Variants in CPNE5 observed in about 807,000 individuals in gnomAD.
The protein encoded by CPNE5 is copine 5.
Under a neutral mutation model 81.1 loss-of-function variants are expected in CPNE5, and 42 were observed. The ratio of observed to expected loss-of-function variants is 0.52; its 90% CI spans 0.40 to 0.67. The LOEUF (loss-of-function observed/expected upper bound fraction) is 0.67, where lower values mean the gene tolerates loss of function less well. CPNE5 is among the 30% of genes least tolerant of loss of function. The pLI is 0.00. For missense variants in CPNE5, 612 were observed against 815.5 expected, an observed-to-expected ratio of 0.75 and a Z score of 3.04; for synonymous variants, 313 against 321.5, an observed-to-expected ratio of 0.97 and a Z score of 0.28.
At chr6:36,788,230 G>T (rs529739615) in intron 8 of CPNE5, among the ~76,000 whole-genome samples, 14 of 151,806 alleles carry the variant, frequency 9.2e-5, no homozygotes, top group African/African-American at 2.2e-4. Context: ...GATGGTCGGG[G>T]GGGGGTCTCA....
At chr6:36,782,989 G>C (rs998534340) in intron 8 of CPNE5, among the ~76,000 whole-genome samples, 2 of 151,982 alleles carry the variant, frequency 1.3e-5, no homozygotes, top group Non-Finnish European at 2.9e-5. Context: ...GAAGAATAGC[G>C]CCCCCTTGTG....
At position 36,823,112 on chromosome 6, in the gene CPNE5, A is replaced by G. The variant is rs374961804; in HGVS notation, c.96-14T>C. 4.8e-5 allele frequency: 75 copies of G among 1,555,838 alleles called. 1 individual carries two copies. The highest frequency in any genetic ancestry group is 5.1e-5 in the Non-Finnish European group (59 of 1,148,210). ...TCCAGGAGGTTCCTGAAAGAGGGGG[A>G]GAGAGGAGGGGTTAGCACGGCCAGC... is the stretch of plus-strand genomic sequence containing the variant. On this transcript the variant is annotated splice_polypyrimidine_tract_variant and intron_variant, in intron 1 of 20. Coordinates refer to ENST00000244751, the MANE Select transcript of CPNE5 (RefSeq NM_020939.2).
chr6:36,788,696 T>C (rs974694891), intron 8 of CPNE5, among the ~76,000 whole-genome samples: 4 of 119,064 alleles, frequency 3.4e-5, no homozygotes, highest in East Asian at 3.6e-4. Context: ...CTGAGCAGAA[T>C]TGAACCTTGG....
intron 11 of CPNE5, among the ~76,000 whole-genome samples, chr6:36,764,708 G>A (rs1047412262): frequency 6.6e-6 from 1 of 152,114 alleles, no homozygotes; most frequent in Admixed American, 6.5e-5. Flanking sequence ...CCTCCCAGCA[G>A]CCAGGGACAG....
intron 8 of CPNE5, among the ~76,000 whole-genome samples, chr6:36,791,569 C>T (rs923276102): frequency 6.6e-6 from 1 of 152,162 alleles, no homozygotes; most frequent in Non-Finnish European, 1.5e-5. Context: ...CCAACACATG[C>T]GTACGCACAG....
rs552375197 is a variant in CPNE5, at chr6:36,741,438, G to A, written c.*830C>T. 6 of 152,374 alleles carry A rather than the reference G, an allele frequency of 3.9e-5. No individual in the cohort carries two copies. The highest frequency in any genetic ancestry group is 9.6e-5 in the African/African-American group (4 of 41,550). The allele number at this position is 152,374 out of a possible 1,614,324, so 9.4% of individuals were successfully genotyped here. A position where few individuals can be genotyped will look rare whatever the true frequency, so the allele number is the denominator to read the frequency against. ...CAAAGAGCAGGAGCAGTGTGGGAAC[G>A]TGGGGCTGAGCCACTCCTTACTCAG... On this transcript the variant is annotated 3_prime_UTR_variant, in exon 21 of 21. Coordinates refer to ENST00000244751, the MANE Select transcript of CPNE5 (RefSeq NM_020939.2).
At chr6:36,774,612 C>T (rs1582833235) in intron 10 of CPNE5, among the ~76,000 whole-genome samples, 1 of 152,336 alleles carries the variant, frequency 6.6e-6, no homozygotes, top group South Asian at 2.1e-4. Context: ...CCTGGGCACC[C>T]GGGACACCCA....
At chr6:36,818,610 A>C (rs979912209) in intron 3 of CPNE5, among the ~76,000 whole-genome samples, 3 of 152,070 alleles carry the variant, frequency 2.0e-5, no homozygotes, top group Admixed American at 6.6e-5. Context: ...GCAGGCCTAT[A>C]AGGTAGGATT....
chr6:36,801,080 G>T lies in CPNE5; in HGVS notation c.184-1010C>A, dbSNP rs575950867. On this transcript the variant is annotated intron_variant, in intron 3 of 20. Transcript: ENST00000244751. ...CCTGCTGTTTAAACCACTAAATTCT[G>T]GGATAATTTATTACTCAGCAATAGC... Among the ~76,000 whole-genome samples the T allele has an allele frequency of 2.8e-4, 42 of 152,296 alleles. No homozygotes were observed. In the South Asian group the frequency reaches 8.7e-3, roughly 32 times the overall value.
chr6:36,791,657 A>G lies in CPNE5; in HGVS notation c.528+376T>C, dbSNP rs187625103. ...GAAAAATGACAGCTAAATGTCAAGC[A>G]CCCAGGCTTCCTTCAAGACTGAAAA... On this transcript the variant is annotated intron_variant, in intron 8 of 20. Coordinates refer to ENST00000244751, the MANE Select transcript of CPNE5 (RefSeq NM_020939.2). 5.3e-5 allele frequency among the ~76,000 whole-genome samples: 8 copies of G among 152,268 alleles called. No homozygotes were observed. In the East Asian group the frequency reaches 1.5e-3, roughly 29 times the overall value.
intron 10 of CPNE5, among the ~76,000 whole-genome samples, chr6:36,767,048 G>C (rs1431262568): frequency 6.6e-6 from 1 of 152,126 alleles, no homozygotes; most frequent in Non-Finnish European, 1.5e-5. Context: ...TAGAGATGGG[G>C]TTTCACCATG....
intron 8 of CPNE5, among the ~76,000 whole-genome samples, chr6:36,786,118 T>G (rs571367262): frequency 2.0e-5 from 3 of 152,268 alleles, no homozygotes; most frequent in Admixed American, 1.3e-4. Context: ...ATTAACATAT[T>G]GTCTTTTTTA....
intron 8 of CPNE5, among the ~76,000 whole-genome samples, chr6:36,785,538 T>C (rs1768451994): frequency 6.6e-6 from 1 of 152,036 alleles, no homozygotes; most frequent in Non-Finnish European, 1.5e-5. Flanking sequence ...AAGCTCAAGT[T>C]CTTAATCACC....
rs991633138 is a variant in CPNE5, at chr6:36,766,518, G to T, written c.738-1142C>A. ...GCCCACCATTTAAAGGAATCCTTTA[G>T]ATTCTTGTGAAAAACAAAAAACCAT... On this transcript the variant is annotated intron_variant, in intron 10 of 20. Coordinates refer to ENST00000244751, the MANE Select transcript of CPNE5 (RefSeq NM_020939.2). The surrounding 1 kb of genome is among the most constrained non-coding windows in gnomAD (Gnocchi z 4.2). Among the ~76,000 whole-genome samples, 1 of 152,066 alleles carries T rather than the reference G, an allele frequency of 6.6e-6. No individual in the cohort carries two copies. Among genetic ancestry groups the T allele is most frequent in the African/African-American group, 2.4e-5 (1 of 41,324 alleles).
At chr6:36,834,340 T>C (rs1773264100) in intron 1 of CPNE5, among the ~76,000 whole-genome samples, 1 of 143,236 alleles carries the variant, frequency 7.0e-6, no homozygotes, top group Admixed American at 7.0e-5. Context: ...AAAAACAAGT[T>C]GTGTTATTTA....
intron 1 of CPNE5, among the ~76,000 whole-genome samples, chr6:36,835,609 A>G (rs1016488971): frequency 6.6e-6 from 1 of 152,212 alleles, no homozygotes; most frequent in African/African-American, 2.4e-5. Context: ...CAGCCTGGCC[A>G]ACATGGTGAA....
At chr6:36,767,477 C>A (rs1766663024) in intron 10 of CPNE5, among the ~76,000 whole-genome samples, 1 of 152,228 alleles carries the variant, frequency 6.6e-6, no homozygotes, top group South Asian at 2.1e-4. Context: ...CCCTGACTCC[C>A]AGTCCAGGAC....
intron 1 of CPNE5, among the ~76,000 whole-genome samples, chr6:36,832,811 C>T (rs973173776): frequency 3.4e-5 from 5 of 148,618 alleles, no homozygotes; most frequent in Admixed American, 3.4e-4. Flanking sequence ...AGCCTCCTCC[C>T]TACCCTTTCT....
chr6:36,832,952 T>C (rs142087921), intron 1 of CPNE5, among the ~76,000 whole-genome samples: 5 of 152,210 alleles, frequency 3.3e-5, no homozygotes, highest in Admixed American at 2.6e-4. Context: ...ATCCTGTGAC[T>C]TTTTGTGGTT....
Sources: allele counts gnomAD v4.1 joint callset (sites outside exome capture counted in the v4.1 genomes callset), GRCh38; gene constraint gnomAD v4.1.1; non-coding constraint Gnocchi (gnomAD v3.1); transcripts MANE v1.5; gene names NCBI Gene and HGNC (gene_info 2026-07-23, HGNC 2026-07-21).